The following NRXN2 variants were observed in gnomAD, a reference collection of about 807,000 sequenced individuals.
NRXN2 encodes the protein neurexin-2-beta.
A neutral mutation model predicts 128.8 loss-of-function variants in NRXN2; 29 were observed. The ratio of observed to expected loss-of-function variants is 0.23; its 90% CI spans 0.17 to 0.31. NRXN2 has a LOEUF of 0.31. Among genes scored for constraint, NRXN2 ranks in the 10% least tolerant of loss-of-function variants. The probability of loss-of-function intolerance (pLI) is 1.00; values close to 1 mark genes in which losing one functional copy is unlikely to be tolerated. For synonymous variants in NRXN2, 1,098 were observed against 1,075.2 expected (o/e 1.02, Z -0.41); for missense variants, 1,881 against 2,452.6 (o/e 0.77, Z 4.92).
chr11:64,612,664 G>T (rs1438775878), intron 22 of NRXN2, among the ~76,000 whole-genome samples: 27 of 152,178 alleles, frequency 1.8e-4, no homozygotes, highest in Non-Finnish European at 7.3e-5. Flanking sequence ...CCCCTGACTG[G>T]AACTACCCAA....
In NRXN2 at chr11:64,667,589, C is replaced by T. The variant is rs775443429; in HGVS notation, c.1459G>A (p.Glu487Lys). 1.2e-6 allele frequency: 2 copies of T among 1,614,264 alleles called. No homozygotes were observed. Among genetic ancestry groups the T allele is most frequent in the South Asian group, 1.1e-5 (1 of 91,088 alleles). ...ACAGGGTCCAGGGCAGCCACATCCTCACAGCGGAATGACAAGTCCCCCTGC... is the reference window on the plus strand; with the variant it reads ...ACAGGGTCCAGGGCAGCCACATCCTTACAGCGGAATGACAAGTCCCCCTGC... The part of the protein sequence containing the change: ...KLQGDLSFRC[E>K]DVAALDPVTF... Residue 487 changes from glutamate (E) to lysine (K), a missense_variant, in exon 9 of 23, where the codon GAG becomes AAG. Physicochemically the swap from Glu to Lys is moderately conservative, Grantham distance 56. Transcript: ENST00000265459. This position sits in a 1 kb window ranked among gnomAD's most constrained non-coding sequence, Gnocchi z 5.6.
rs2042731299 is a variant in NRXN2, at chr11:64,623,949, G to A, written c.3848-871C>T. 6.6e-6 allele frequency: 1 copy of A among 152,162 alleles called. No individual in the cohort carries two copies. The highest frequency in any genetic ancestry group is 2.4e-5 in the African/African-American group (1 of 41,398). The allele number at this position is 152,162 out of a possible 1,614,324, so 9.4% of individuals were successfully genotyped here. ...CTGTTTGTTTTTAGTGGATCTGGGG[G>A]TCGGTTTAACCCTCTGAGTTTGTTG... On this transcript the variant is annotated intron_variant, in intron 20 of 22. Coordinates refer to ENST00000265459, the MANE Select transcript of NRXN2 (RefSeq NM_015080.4). This position sits in a 1 kb window ranked among gnomAD's most constrained non-coding sequence, Gnocchi z 4.9.
rs1373720251 is a variant in NRXN2, at chr11:64,648,890, C to T, written c.3127G>A (p.Gly1043Ser). The part of the protein sequence containing the change: ...LDLKGELYIG[G>S]LSKNMFSNLP... ...TTGCTGAACATATTCTTGCTCAGAC[C>T]GCCAATGTACAACTCCCCTGCAAAG... The change falls in exon 16 of 23, where the codon GGT (glycine) becomes AGT (serine). Residue 1043 changes from glycine (G) to serine (S), a missense_variant. Coordinates refer to ENST00000265459, the MANE Select transcript of NRXN2 (RefSeq NM_015080.4). The surrounding 1 kb of genome is among the most constrained non-coding windows in gnomAD (Gnocchi z 4.1). The T allele has an allele frequency of 3.1e-6, 5 of 1,614,146 alleles. No homozygotes were observed. Among genetic ancestry groups the T allele is most frequent in the African/African-American group, 1.3e-5 (1 of 75,016 alleles).
intron 11 of NRXN2, among the ~76,000 whole-genome samples, chr11:64,658,473 C>T (rs545650364): frequency 3.3e-5 from 5 of 152,302 alleles, no homozygotes; most frequent in African/African-American, 9.6e-5. Context: ...AGGCTGTGAT[C>T]GTGGTTAGAA....
chr11:64,612,550 G>T (rs1259213078), intron 22 of NRXN2, among the ~76,000 whole-genome samples: 1 of 151,992 alleles, frequency 6.6e-6, no homozygotes, highest in Non-Finnish European at 1.5e-5. Flanking sequence ...TGACCAGGGG[G>T]ACCACCAGCC....
intron 20 of NRXN2, among the ~76,000 whole-genome samples, chr11:64,625,991 C>T (rs1269148772): frequency 1.3e-5 from 2 of 152,170 alleles, no homozygotes; most frequent in African/African-American, 2.4e-5. Flanking sequence ...TCTGGTGAAG[C>T]CTTCCTAAAC....
At chr11:64,677,830 G>A (rs2051567382) in intron 6 of NRXN2, among the ~76,000 whole-genome samples, 3 of 152,212 alleles carry the variant, frequency 2.0e-5, no homozygotes, top group South Asian at 4.1e-4. Context: ...GCAAGTTGGT[G>A]CTGGCCAACT....
rs759395634 is a variant in NRXN2, at chr11:64,667,400, G to A, written c.1648C>T (p.Arg550Trp). ...GGAGSHSSAQ[R>W]ADYFAMELLD... is the part of the protein sequence containing the mutation. ...AGCTCCATGGCAAAGTAGTCGGCCC[G>A]CTGAGCAGAGCTGTGGCTGCCAGCT... The change falls in exon 9 of 23, where the codon CGG becomes TGG. Residue 550 changes from arginine (R) to tryptophan (W), a missense_variant. By Grantham distance (101) the Arg-to-Trp change is moderately radical (BLOSUM62 -3). Coordinates refer to ENST00000265459, the MANE Select transcript of NRXN2 (RefSeq NM_015080.4). The surrounding 1 kb of genome is among the most constrained non-coding windows in gnomAD (Gnocchi z 5.6). The A allele has an allele frequency of 1.9e-5, 31 of 1,614,088 alleles. No homozygotes were observed. The highest frequency in any genetic ancestry group is 1.2e-4 in the Admixed American group (7 of 60,006).
At chr11:64,642,438 T>A (rs1484189464) in intron 17 of NRXN2, 6 of 1,445,492 alleles carry the variant, frequency 4.2e-6, no homozygotes, top group Non-Finnish European at 5.5e-6. Context: ...AGGCTCGGCG[T>A]GCACAGCTGG....
intron 17 of NRXN2, among the ~76,000 whole-genome samples, chr11:64,645,674 C>T (rs2046542903): frequency 6.6e-6 from 1 of 152,114 alleles, no homozygotes; most frequent in Non-Finnish European, 1.5e-5. Context: ...AACACAAAGT[C>T]CCCTCCACCC....
rs189778822 is a variant in NRXN2, at chr11:64,683,205, T to C, written c.1152+2441A>G. On this transcript the variant is annotated intron_variant, in intron 6 of 22. Coordinates refer to ENST00000265459, the MANE Select transcript of NRXN2 (RefSeq NM_015080.4). ...AGACAGATGTCATTTCTCCCTGTCC[T>C]TGCTCCTGGCCCACAAAACCTGGGG... Among the ~76,000 whole-genome samples, 5 of 152,320 alleles carry C rather than the reference T, an allele frequency of 3.3e-5. No individual in the cohort carries two copies. In the East Asian group the frequency reaches 9.6e-4, roughly 29 times the overall value.
chr11:64,662,797 T>C (rs1306278707), intron 9 of NRXN2, among the ~76,000 whole-genome samples: 1 of 150,606 alleles, frequency 6.6e-6, no homozygotes, highest in East Asian at 2.0e-4. Context: ...AAAAAATAAA[T>C]AAATAAATAA....
intron 1 of NRXN2, among the ~76,000 whole-genome samples, chr11:64,718,163 C>G (rs1267655983): frequency 1.3e-5 from 2 of 152,168 alleles, no homozygotes; most frequent in African/African-American, 4.8e-5. Flanking sequence ...CCAACCTGAC[C>G]AAAGGCCTCA....
chr11:64,623,072 T>C lies in NRXN2; in HGVS notation c.3854A>G (p.Gln1285Arg). 3.8e-6 allele frequency: 6 copies of C among 1,599,548 alleles called. No homozygotes were observed. The highest frequency in any genetic ancestry group is 5.1e-6 in the Non-Finnish European group (6 of 1,172,680). Residue 1285 changes from glutamine (Q) to arginine (R), a missense_variant, in exon 21 of 23, where the codon CAG becomes CGG. Coordinates refer to ENST00000265459, the MANE Select transcript of NRXN2 (RefSeq NM_015080.4). The surrounding 1 kb of genome is among the most constrained non-coding windows in gnomAD (Gnocchi z 4.9). ...VDEWLLDKGR[Q>R]LTIFNSQAAI... Reference sequence around the variant, plus strand: ...AGCCTGGCTGTTGAAGATGGTCAGCTGGCGGCCTTGCAGGAGTGGAAGGGG... The same window carrying C: ...AGCCTGGCTGTTGAAGATGGTCAGCCGGCGGCCTTGCAGGAGTGGAAGGGG...
In NRXN2 at chr11:64,713,222, G is replaced by A; in HGVS notation, c.478C>T (p.Arg160Cys). 6.8e-7 allele frequency: 1 copy of A among 1,466,376 alleles called. No individual in the cohort carries two copies. Among genetic ancestry groups the A allele is most frequent in the South Asian group, 1.3e-5 (1 of 77,560 alleles). 90.8% of individuals were successfully genotyped at this position (1,466,376 alleles called of 1,614,324 possible). A position where few individuals can be genotyped will look rare whatever the true frequency, so the allele number is the denominator to read the frequency against. ...LFVGGIPPDV[R>C]LSALTLSTVK... ...GTGCTCAGCGTAAGCGCCGAGAGGC[G>A]CACGTCGGGCGGGATGCCGCCCACG... is the stretch of plus-strand genomic sequence containing the variant. The change falls in exon 2 of 23, where the codon CGC (arginine) becomes TGC (cysteine). Residue 160 changes from arginine to cysteine, a missense_variant. Transcript: ENST00000265459.
At position 64,713,502 on chromosome 11, in the gene NRXN2, C is replaced by T; in HGVS notation, c.198G>A (p.Leu66=). ...AGTCGCCGCCGTCGTCCAGGTAGAG[C>T]AGCAGCGCGCGCGTGGCGTTGGTGC... The part of the protein sequence containing the change: ...SLRTNATRAL[L]LYLDDGGDCD... Residue 66 remains leucine (L), a synonymous_variant, in exon 2 of 23, where the codon CTG becomes CTA. Transcript: ENST00000265459. 6.6e-7 allele frequency: 1 copy of T among 1,520,468 alleles called. No individual in the cohort carries two copies. The highest frequency in any genetic ancestry group is 2.6e-5 in the East Asian group (1 of 37,754). The allele number at this position is 1,520,468 out of a possible 1,614,324, so 94.2% of individuals were successfully genotyped here. A position where few individuals can be genotyped will look rare whatever the true frequency, so the allele number is the denominator to read the frequency against.
At chr11:64,642,756 C>T (rs1481691194) in intron 17 of NRXN2, 3 of 1,227,006 alleles carry the variant, frequency 2.4e-6, no homozygotes, top group East Asian at 6.6e-5. Context: ...CAGCCAGGGC[C>T]GGGGGGCGGC....
At chr11:64,647,207 T>TTGTGTGTG (rs10535079) in intron 17 of NRXN2, among the ~76,000 whole-genome samples, 36 of 146,644 alleles carry the variant, frequency 2.5e-4, no homozygotes, top group Admixed American at 4.1e-4. Context: ...AGACGCTTCG[T>TTGTGTGTG]TGTGTGTGTG....
chr11:64,642,836 T>C, intron 17 of NRXN2: 2 of 1,015,554 alleles, frequency 2.0e-6, no homozygotes, highest in Non-Finnish European at 1.2e-6. Flanking sequence ...CACAGCCCCA[T>C]GGCCGGGGGC....
Sources: allele counts gnomAD v4.1 joint callset (sites outside exome capture counted in the v4.1 genomes callset), GRCh38; gene constraint gnomAD v4.1.1; non-coding constraint Gnocchi (gnomAD v3.1); transcripts MANE v1.5; gene names NCBI Gene and HGNC (gene_info 2026-07-23, HGNC 2026-07-21).